ULK4: variants seen among roughly 807,000 people sequenced by gnomAD.
ULK4 encodes inactive serine/threonine-protein kinase ULK4.
In ULK4, 133 loss-of-function variants were observed where a neutral mutation model predicts 160.6. The ratio of observed to expected loss-of-function variants is 0.83; its 90% CI spans 0.72 to 0.96. The LOEUF is 0.96. Among genes scored for constraint, ULK4 ranks in the 40% least tolerant of loss-of-function variants. ULK4 has a pLI of 0.00. For synonymous variants in ULK4, 534 were observed against 539.8 expected (o/e 0.99, Z 0.15); for missense variants, 1,580 against 1,499.5 (o/e 1.05, Z -0.89).
chr3:41,373,260 T>C (rs984875146), intron 35 of ULK4, among the ~76,000 whole-genome samples: 1 of 152,008 alleles, frequency 6.6e-6, no homozygotes, highest in African/African-American at 2.4e-5. Context: ...TATTCAGTAC[T>C]TGAATTCAGC....
intron 27 of ULK4, among the ~76,000 whole-genome samples, chr3:41,704,710 G>A (rs945725802): frequency 1.3e-5 from 2 of 152,140 alleles, no homozygotes; most frequent in African/African-American, 4.8e-5. Flanking sequence ...GCACGGGACA[G>A]CCCCATAACA....
intron 34 of ULK4, among the ~76,000 whole-genome samples, chr3:41,430,009 T>C (rs1311569547): frequency 6.6e-6 from 1 of 152,192 alleles, no homozygotes; most frequent in Non-Finnish European, 1.5e-5. Flanking sequence ...CATGAAATCC[T>C]CTTCATCCTA....
intron 21 of ULK4, among the ~76,000 whole-genome samples, chr3:41,764,976 A>T (rs951236104): frequency 6.6e-6 from 1 of 152,216 alleles, no homozygotes; most frequent in African/African-American, 2.4e-5. Flanking sequence ...CAACTAGTTC[A>T]ACCATTGTGG....
chr3:41,825,397 G>A (rs969608852), intron 18 of ULK4, among the ~76,000 whole-genome samples: 2 of 151,276 alleles, frequency 1.3e-5, no homozygotes, highest in Non-Finnish European at 2.9e-5. Flanking sequence ...CTATGGCAAA[G>A]AAGTTAAAAA....
In ULK4 at chr3:41,681,433, C is replaced by G; in HGVS notation, c.2978+75G>C. On this transcript the variant is annotated intron_variant, in intron 29 of 36. Coordinates refer to ENST00000301831, the MANE Select transcript of ULK4 (RefSeq NM_017886.4). Reference sequence around the variant, plus strand: ...AAGGACATCAAGACCCCAACCCCATCACTGAACCTAGTTTGACAGAAGCTT... The same window carrying G: ...AAGGACATCAAGACCCCAACCCCATGACTGAACCTAGTTTGACAGAAGCTT... 4 of 1,585,838 alleles carry G rather than the reference C, an allele frequency of 2.5e-6. No individual in the cohort carries two copies. In the South Asian group the frequency reaches 4.6e-5, roughly 18 times the overall value.
At chr3:41,874,218 A>G (rs1457754430) in intron 17 of ULK4, among the ~76,000 whole-genome samples, 1 of 152,174 alleles carries the variant, frequency 6.6e-6, no homozygotes. Flanking sequence ...GAGAGAGAAG[A>G]GGAAGTGGTG....
intron 21 of ULK4, among the ~76,000 whole-genome samples, chr3:41,770,785 T>A (rs1190179848): frequency 1.3e-5 from 2 of 152,218 alleles, no homozygotes; most frequent in Non-Finnish European, 2.9e-5. Flanking sequence ...AGTGCTGGGA[T>A]TACAGGCATG....
intron 29 of ULK4, 31 bp downstream of exon 29, chr3:41,681,477 C>G: frequency 6.2e-7 from 1 of 1,612,582 alleles, no homozygotes; most frequent in Admixed American, 1.7e-5. Context: ...GCCTACACTT[C>G]TCTGCATGAA....
At chr3:41,805,636 T>A (rs1299211420) in intron 19 of ULK4, among the ~76,000 whole-genome samples, 15 of 151,470 alleles carry the variant, frequency 9.9e-5, no homozygotes, top group Non-Finnish European at 1.9e-4. Flanking sequence ...TAGATAGCTC[T>A]TATTATTTTG....
At chr3:41,637,505 G>A (rs148325366) in intron 30 of ULK4, among the ~76,000 whole-genome samples, 111 of 152,276 alleles carry the variant, frequency 7.3e-4, no homozygotes, top group African/African-American at 2.6e-3. Context: ...ATGAACATGG[G>A]AGTGCAATAT....
chr3:41,761,335 A>G (rs974773363), intron 21 of ULK4, among the ~76,000 whole-genome samples: 2 of 148,510 alleles, frequency 1.3e-5, no homozygotes, highest in African/African-American at 4.9e-5. Flanking sequence ...TATGTTATAT[A>G]TTATCATACA....
chr3:41,704,444 TTCCTAACTGGC>T (rs2036796229), intron 27 of ULK4, among the ~76,000 whole-genome samples: 1 of 152,202 alleles, frequency 6.6e-6, no homozygotes, highest in Non-Finnish European at 1.5e-5. Flanking sequence ...GCTAATTGTC[TTCCTAACTGGC>T]TCCTCTTCTG....
chr3:41,706,399 A>ATT (rs2036887825), intron 25 of ULK4, among the ~76,000 whole-genome samples: 2 of 145,480 alleles, frequency 1.4e-5, no homozygotes, highest in African/African-American at 5.1e-5. Context: ...TATATATTAA[A>ATT]TATATATAAT....
intron 35 of ULK4, among the ~76,000 whole-genome samples, chr3:41,312,458 G>C (rs2080069077): frequency 6.6e-6 from 1 of 151,936 alleles, no homozygotes; most frequent in Non-Finnish European, 1.5e-5. Context: ...ATTCATAATT[G>C]AAAGAAAAAA....
intron 25 of ULK4, among the ~76,000 whole-genome samples, chr3:41,710,834 C>T (rs1340400422): frequency 6.7e-6 from 1 of 149,980 alleles, no homozygotes; most frequent in African/African-American, 2.5e-5. Flanking sequence ...CTGGACCAGG[C>T]ATTCTAGGTG....
chr3:41,518,137 T>A (rs1345408878), intron 32 of ULK4, among the ~76,000 whole-genome samples: 1 of 152,032 alleles, frequency 6.6e-6, no homozygotes, highest in Non-Finnish European at 1.5e-5. Context: ...GAAGGGGAGG[T>A]AAATGACCTA....
chr3:41,475,495 CA>C lies in ULK4; in HGVS notation c.3227-12243del, dbSNP rs1327868763. Among the ~76,000 whole-genome samples, 946 of 151,874 alleles carry C rather than the reference CA, an allele frequency of 6.2e-3. 7 individuals are homozygous for C. The highest frequency in any genetic ancestry group is 0.022 in the African/African-American group (905 of 41,436). ...GAGTATACATTTCAAACATTCTCAC[CA>C]CAAAAAAATAAGTATTTGAGATCAT... On this transcript the variant is annotated intron_variant, in intron 32 of 36. Transcript: ENST00000301831.
intron 30 of ULK4, among the ~76,000 whole-genome samples, chr3:41,637,099 T>G (rs1471688690): frequency 6.6e-6 from 1 of 152,164 alleles, no homozygotes; most frequent in African/African-American, 2.4e-5. Flanking sequence ...TCTCACCAAT[T>G]TTCAAAAATA....
chr3:41,739,570 C>G (rs939664509), intron 22 of ULK4, among the ~76,000 whole-genome samples: 1 of 151,874 alleles, frequency 6.6e-6, no homozygotes, highest in Non-Finnish European at 1.5e-5. Context: ...TGGTCAGGAA[C>G]TCAGAAAACT....
Sources: allele counts gnomAD v4.1 joint callset (sites outside exome capture counted in the v4.1 genomes callset), GRCh38; gene constraint gnomAD v4.1.1; transcripts MANE v1.5; gene names NCBI Gene and HGNC (gene_info 2026-07-23, HGNC 2026-07-21).